NRXN1: variants seen among roughly 807,000 people sequenced by gnomAD.
NRXN1 encodes the protein neurexin 1.
In NRXN1, 39 loss-of-function variants were observed where a neutral mutation model predicts 150.9. The ratio of observed to expected loss-of-function variants is 0.26; its 90% CI spans 0.20 to 0.34. The LOEUF is 0.34. NRXN1 is among the 10% of genes least tolerant of loss of function. NRXN1 has a pLI of 1.00. For missense variants in NRXN1, 1,815 were observed against 1,949.9 expected, an observed-to-expected ratio of 0.93 and a Z score of 1.30; for synonymous variants, 924 against 757.0, an observed-to-expected ratio of 1.22 and a Z score of -3.62.
chr2:50,325,655 T>C (rs1038682615), intron 17 of NRXN1, among the ~76,000 whole-genome samples: 7 of 152,228 alleles, frequency 4.6e-5, no homozygotes, highest in African/African-American at 1.7e-4. Context: ...CTATCTATCT[T>C]CACTATTATT....
At chr2:50,287,033 AAT>A (rs563344843) in intron 17 of NRXN1, among the ~76,000 whole-genome samples, 5 of 152,084 alleles carry the variant, frequency 3.3e-5, no homozygotes, top group Non-Finnish European at 7.4e-5. Flanking sequence ...TGTAATTTTT[AAT>A]ATTGTAAACA....
rs776435675 is a variant in NRXN1 at position 51,027,902 on chromosome 2, G to A, written c.372C>T (p.Arg124=). ...CCTGGTCGATGAAGAGCGTGGTGTT[G>A]CGGAACTGGCGGCGGATGCGCACGC... is the stretch of plus-strand genomic sequence containing the variant. ...WHSVRIRRQF[R]NTTLFIDQVE... Residue 124 remains arginine (R), a synonymous_variant, in exon 2 of 23, where the codon CGC becomes CGT. Transcript: ENST00000401669. 6.2e-7 allele frequency: 1 copy of A among 1,609,722 alleles called. No individual in the cohort carries two copies. The highest frequency in any genetic ancestry group is 8.5e-7 in the Non-Finnish European group (1 of 1,179,704).
chr2:50,156,761 A>G (rs2059045823), intron 18 of NRXN1, among the ~76,000 whole-genome samples: 1 of 151,948 alleles, frequency 6.6e-6, no homozygotes, highest in Non-Finnish European at 1.5e-5. Context: ...CCCTTTTCCT[A>G]AAACATCCCC....
intron 17 of NRXN1, among the ~76,000 whole-genome samples, chr2:50,429,977 T>G (rs1290689989): frequency 6.6e-6 from 1 of 152,200 alleles, no homozygotes; most frequent in Non-Finnish European, 1.5e-5. Context: ...CATTTCAGCA[T>G]GTGCCCTTTA....
At chr2:50,078,516 T>C (rs1697425035) in intron 19 of NRXN1, among the ~76,000 whole-genome samples, 1 of 152,060 alleles carries the variant, frequency 6.6e-6, no homozygotes, top group African/African-American at 2.4e-5. Flanking sequence ...GTATACACTT[T>C]ATTTTGTTTT....
intron 2 of NRXN1, among the ~76,000 whole-genome samples, chr2:51,021,219 G>A (rs1669555496): frequency 1.3e-5 from 2 of 151,842 alleles, no homozygotes. Context: ...CTTTTTGAGA[G>A]CACAGTTTGC....
chr2:50,060,229 A>C (rs1694311242), intron 19 of NRXN1, among the ~76,000 whole-genome samples: 1 of 152,182 alleles, frequency 6.6e-6, no homozygotes, highest in Admixed American at 6.5e-5. Flanking sequence ...CTGGATGTAA[A>C]ACATGGAGTC....
intron 21 of NRXN1, among the ~76,000 whole-genome samples, chr2:50,012,107 G>C (rs1218404350): frequency 6.6e-6 from 1 of 151,970 alleles, no homozygotes; most frequent in African/African-American, 2.4e-5. Flanking sequence ...ATCTTCATAA[G>C]GTTGGTAACA....
intron 5 of NRXN1, among the ~76,000 whole-genome samples, chr2:50,790,992 A>G (rs1705863921): frequency 6.6e-6 from 1 of 150,980 alleles, no homozygotes; most frequent in African/African-American, 2.4e-5. Flanking sequence ...CTGTACTAGT[A>G]GCTGATTTTT....
chr2:50,273,170 T>C (rs1489149744), intron 17 of NRXN1, among the ~76,000 whole-genome samples: 1 of 152,146 alleles, frequency 6.6e-6, no homozygotes, highest in Admixed American at 6.5e-5. Flanking sequence ...TCAACACTGT[T>C]CAAAGGAAGG....
At chr2:50,077,594 C>T (rs1225168435) in intron 19 of NRXN1, among the ~76,000 whole-genome samples, 15 of 152,094 alleles carry the variant, frequency 9.9e-5, no homozygotes, top group Admixed American at 9.2e-4. Flanking sequence ...TCTACTTGGA[C>T]CTTTAAAATG....
chr2:49,922,318 A>G (rs1668364606), intron 22 of NRXN1, 67 bp from the exon 23 acceptor site: 3 of 1,393,672 alleles, frequency 2.2e-6, no homozygotes, highest in Admixed American at 1.9e-5. Context: ...AGAGAGCTAT[A>G]TTAACATTTA....
chr2:50,044,191 T>C (rs1691450718), intron 21 of NRXN1, among the ~76,000 whole-genome samples: 1 of 152,188 alleles, frequency 6.6e-6, no homozygotes, highest in African/African-American at 2.4e-5. Flanking sequence ...AGTTAAACAT[T>C]GAGGTTCACA....
chr2:50,208,766 G>T (rs978795564), intron 18 of NRXN1, among the ~76,000 whole-genome samples: 4 of 152,028 alleles, frequency 2.6e-5, no homozygotes, highest in African/African-American at 4.8e-5. Context: ...AATAACACGA[G>T]TCCTTTAAGT....
intron 21 of NRXN1, among the ~76,000 whole-genome samples, chr2:49,990,017 A>G (rs960781020): frequency 6.6e-6 from 1 of 152,068 alleles, no homozygotes; most frequent in African/African-American, 2.4e-5. Flanking sequence ...AACAATGCTG[A>G]GGCCTCACTT....
chr2:50,851,841 C>T (rs996819124), intron 5 of NRXN1, among the ~76,000 whole-genome samples: 5 of 152,134 alleles, frequency 3.3e-5, no homozygotes, highest in South Asian at 2.1e-4. Context: ...CTGTAAGATA[C>T]GCCTGTGTCC....
At chr2:50,981,457 C>CAAA (rs70958635) in intron 2 of NRXN1, among the ~76,000 whole-genome samples, 3,876 of 23,192 alleles carry the variant, frequency 0.17, 655 homozygotes, top group East Asian at 0.32. Flanking sequence ...AACTCTATCT[C>CAAA]AAAAAAAAAA....
chr2:51,011,014 TTC>T (rs1667770125), intron 2 of NRXN1, among the ~76,000 whole-genome samples: 1 of 152,004 alleles, frequency 6.6e-6, no homozygotes, highest in Admixed American at 6.6e-5. Context: ...CCTCAAACAA[TTC>T]TCTCACTTCA....
chr2:50,246,090 G>C (rs1268191791), intron 17 of NRXN1, among the ~76,000 whole-genome samples: 1 of 151,946 alleles, frequency 6.6e-6, no homozygotes, highest in African/African-American at 2.4e-5. Flanking sequence ...TAACAGAAAT[G>C]ATTCACTCAC....
Sources: gnomAD v4.1 joint callset for allele counts (sites outside exome capture counted in the v4.1 genomes callset) on GRCh38, gnomAD v4.1.1 for gene constraint, MANE v1.5 for transcripts, NCBI Gene and HGNC (gene_info 2026-07-23, HGNC 2026-07-21) for gene names.